RHBDD1: variants seen among roughly 807,000 people sequenced by gnomAD.
RHBDD1 encodes the protein rhomboid domain containing 1.
In RHBDD1, 38 loss-of-function variants were observed where a neutral mutation model predicts 36.3. That is an observed-to-expected ratio of 1.05 (90% confidence interval 0.81 to 1.37). RHBDD1 has a LOEUF of 1.37. RHBDD1 is among the 40% of genes most tolerant of loss of function. The pLI is 0.00. For synonymous variants in RHBDD1, 151 were observed against 136.5 expected, an observed-to-expected ratio of 1.11 and a Z score of -0.74; for missense variants, 393 against 377.6, an observed-to-expected ratio of 1.04 and a Z score of -0.34.
intron 8 of RHBDD1, among the ~76,000 whole-genome samples, chr2:226,932,457 C>G (rs942356119): frequency 1.3e-5 from 2 of 151,980 alleles, no homozygotes; most frequent in African/African-American, 4.8e-5. Context: ...CCTATTGTTG[C>G]AATAGTTACT....
the RHBDD1 span, among the ~76,000 whole-genome samples, chr2:226,828,319 T>A: frequency 6.6e-6 from 1 of 152,246 alleles, no homozygotes; most frequent in African/African-American, 2.4e-5. Context: ...TGCTTAATCA[T>A]TAACAGTTGA....
At chr2:226,929,413 C>T (rs180900405) in intron 8 of RHBDD1, among the ~76,000 whole-genome samples, 1 of 152,012 alleles carries the variant, frequency 6.6e-6, no homozygotes, top group Non-Finnish European at 1.5e-5. Context: ...ATGATCATCT[C>T]AATTGATGCA....
intron 5 of RHBDD1, among the ~76,000 whole-genome samples, chr2:226,889,595 TC>T (rs1261353160): frequency 6.6e-6 from 1 of 152,196 alleles, no homozygotes; most frequent in Non-Finnish European, 1.5e-5. Context: ...GATTTCATTT[TC>T]TCAAAGTGTT....
chr2:226,848,714 G>A (rs1446617435), intron 3 of RHBDD1, among the ~76,000 whole-genome samples: 3 of 152,160 alleles, frequency 2.0e-5, no homozygotes, highest in African/African-American at 7.2e-5. Context: ...GTGGGACTCT[G>A]AGTGTAGACT....
At chr2:226,961,369 C>T (rs1952184062) in intron 8 of RHBDD1, among the ~76,000 whole-genome samples, 1 of 152,200 alleles carries the variant, frequency 6.6e-6, no homozygotes, top group South Asian at 2.1e-4. Flanking sequence ...TCTTTCTCCT[C>T]TTCCACATGT....
chr2:226,979,036 C>CA (rs1196609748), intron 8 of RHBDD1, among the ~76,000 whole-genome samples: 1 of 152,114 alleles, frequency 6.6e-6, no homozygotes, highest in African/African-American at 2.4e-5. Context: ...TGATTACAAG[C>CA]AAAGTCCTAT....
intron 8 of RHBDD1, among the ~76,000 whole-genome samples, chr2:226,962,772 A>G (rs1444724756): frequency 6.6e-6 from 1 of 152,108 alleles, no homozygotes; most frequent in Non-Finnish European, 1.5e-5. Context: ...GTACGTTTCT[A>G]CCTATTTTAA....
At chr2:226,928,409 G>A (rs773450703) in intron 8 of RHBDD1, among the ~76,000 whole-genome samples, 2 of 151,922 alleles carry the variant, frequency 1.3e-5, no homozygotes, top group Non-Finnish European at 2.9e-5. Context: ...TGATTTTTGG[G>A]TTAACAATGA....
At chr2:226,958,704 G>C (rs1165445699) in intron 8 of RHBDD1, among the ~76,000 whole-genome samples, 1 of 79,758 alleles carries the variant, frequency 1.3e-5, no homozygotes, top group Non-Finnish European at 2.7e-5. Flanking sequence ...GGATTTTTCT[G>C]TGTGTGTGTG....
chr2:226,925,813 T>G (rs1949629600), intron 8 of RHBDD1, among the ~76,000 whole-genome samples: 1 of 152,192 alleles, frequency 6.6e-6, no homozygotes, highest in Non-Finnish European at 1.5e-5. Flanking sequence ...TGTAATTAAT[T>G]GGTTTCTTAA....
At chr2:226,887,504 A>G (rs1946328709) in intron 5 of RHBDD1, among the ~76,000 whole-genome samples, 2 of 152,248 alleles carry the variant, frequency 1.3e-5, no homozygotes, top group South Asian at 2.1e-4. Flanking sequence ...ACTGCGTGAT[A>G]TATACCAAGT....
At chr2:226,807,927 A>C in the RHBDD1 span, among the ~76,000 whole-genome samples, 1 of 152,094 alleles carries the variant, frequency 6.6e-6, no homozygotes, top group South Asian at 2.1e-4. Context: ...AGTAAGTAGA[A>C]GCACATGAAC....
At chr2:226,967,491 G>A (rs527801411) in intron 8 of RHBDD1, among the ~76,000 whole-genome samples, 9 of 151,320 alleles carry the variant, frequency 5.9e-5, no homozygotes, top group Admixed American at 1.3e-4. Context: ...CCATTAACTC[G>A]TCATTTAACA....
chr2:226,907,532 T>C (rs7561378), intron 6 of RHBDD1, among the ~76,000 whole-genome samples: 66,200 of 152,086 alleles, frequency 0.44, 14,588 homozygotes, highest in South Asian at 0.5. Context: ...TGCAAACACT[T>C]GTTTTATAGA....
intron 8 of RHBDD1, among the ~76,000 whole-genome samples, chr2:226,993,010 GT>G (rs1958604242): frequency 6.6e-6 from 1 of 152,194 alleles, no homozygotes; most frequent in South Asian, 2.1e-4. Context: ...CATGACATGA[GT>G]TTTCTACTTC....
chr2:226,817,421 C>T, the RHBDD1 span, among the ~76,000 whole-genome samples: 2 of 152,166 alleles, frequency 1.3e-5, no homozygotes, highest in Non-Finnish European at 2.9e-5. Context: ...AACTGGGCAC[C>T]GATCAGGTAC....
At chr2:226,917,099 A>G (rs1450689824) in intron 8 of RHBDD1, among the ~76,000 whole-genome samples, 2 of 152,090 alleles carry the variant, frequency 1.3e-5, no homozygotes, top group Non-Finnish European at 2.9e-5. Context: ...GAATATATTT[A>G]TTATTAAGTT....
intron 3 of RHBDD1, among the ~76,000 whole-genome samples, chr2:226,858,029 A>G (rs565413591): frequency 2.0e-5 from 3 of 152,180 alleles, no homozygotes; most frequent in Non-Finnish European, 4.4e-5. Context: ...CTGCTGTTCA[A>G]GGTCATCGCC....
chr2:226,820,347 C>G, the RHBDD1 span, among the ~76,000 whole-genome samples: 1 of 151,934 alleles, frequency 6.6e-6, no homozygotes, highest in Non-Finnish European at 1.5e-5. Context: ...TTCTTTTAAG[C>G]AGCTTTATTC....
Sources: allele counts gnomAD v4.1 joint callset (sites outside exome capture counted in the v4.1 genomes callset), GRCh38; gene constraint gnomAD v4.1.1; transcripts MANE v1.5; gene names NCBI Gene and HGNC (gene_info 2026-07-23, HGNC 2026-07-21).